The following TMED3 variants were observed in gnomAD, a reference collection of about 807,000 sequenced individuals.
The protein encoded by TMED3 is transmembrane emp24 domain-containing protein 3.
In TMED3, 9 loss-of-function variants were observed where a neutral mutation model predicts 15.0. The ratio of observed to expected loss-of-function variants is 0.60; its 90% CI spans 0.36 to 1.04. The LOEUF (loss-of-function observed/expected upper bound fraction) is 1.04. Ranked by LOEUF, TMED3 falls within the 50% of genes least tolerant of loss-of-function variation. The pLI, the probability that TMED3 is intolerant of heterozygous loss-of-function variation, is 0.01. For synonymous variants in TMED3, 117 were observed against 121.4 expected (o/e 0.96, Z 0.24); for missense variants, 267 against 278.9 (o/e 0.96, Z 0.30).
intron 2 of TMED3, among the ~76,000 whole-genome samples, chr15:79,362,616 G>T (rs1893153588): frequency 6.6e-6 from 1 of 152,202 alleles, no homozygotes; most frequent in Admixed American, 6.5e-5. Flanking sequence ...TGTCATGGGA[G>T]GGACCTGGTT....
intron 2 of TMED3, among the ~76,000 whole-genome samples, chr15:79,405,728 A>G (rs1376477429): frequency 6.6e-6 from 1 of 152,160 alleles, no homozygotes; most frequent in African/African-American, 2.4e-5. Context: ...CTGGCTCATC[A>G]ATCCAGTTAG....
In TMED3 at chr15:79,311,307, C is replaced by G. The variant is rs767474715; in HGVS notation, c.58C>G (p.Arg20Gly). 4 of 1,606,880 alleles carry G rather than the reference C, an allele frequency of 2.5e-6. No individual in the cohort carries two copies. The highest frequency in any genetic ancestry group is 1.7e-5 in the Admixed American group (1 of 59,638). ...SVLLLLLLLRRAEQPCGAELT... is the reference protein window; with the variant it reads ...SVLLLLLLLRGAEQPCGAELT... ...GCTGCTTCTGCTGCTGCTCCTGCGC[C>G]GGGCCGAGCAGCCCTGCGGGGCCGA... Residue 20 changes from arginine to glycine, a missense_variant, in exon 1 of 3, where the codon CGG (arginine) becomes GGG (glycine). Physicochemically the swap from Arg to Gly is moderately radical, Grantham distance 125. Around this residue, in one of 3 missense-constraint regions of TMED3, gnomAD observed 59 missense variants for 47.0 expected, o/e 1.26. Transcript: ENST00000299705.
At chr15:79,347,727 A>T (rs1176490933) in intron 2 of TMED3, among the ~76,000 whole-genome samples, 3 of 152,194 alleles carry the variant, frequency 2.0e-5, no homozygotes, top group African/African-American at 7.2e-5. Flanking sequence ...TAACATTCTT[A>T]TACGCCAACA....
At chr15:79,360,635 A>G (rs972982005) in intron 2 of TMED3, among the ~76,000 whole-genome samples, 1 of 152,196 alleles carries the variant, frequency 6.6e-6, no homozygotes, top group Non-Finnish European at 1.5e-5. Flanking sequence ...TCCCAACAGC[A>G]GTGCCTTAAG....
intron 2 of TMED3, among the ~76,000 whole-genome samples, chr15:79,328,738 ACT>A (rs1198451135): frequency 2.6e-5 from 4 of 152,104 alleles, no homozygotes; most frequent in East Asian, 1.9e-4. Flanking sequence ...CATCTGAGGA[ACT>A]CTCTCACACA....
At chr15:79,349,258 T>C (rs183165525) in intron 2 of TMED3, among the ~76,000 whole-genome samples, 1 of 151,984 alleles carries the variant, frequency 6.6e-6, no homozygotes, top group Admixed American at 6.5e-5. Context: ...TGTTAATTAG[T>C]TAGATTTAAT....
intron 2 of TMED3, among the ~76,000 whole-genome samples, chr15:79,337,386 T>G (rs2058831058): frequency 6.6e-6 from 1 of 152,170 alleles, no homozygotes; most frequent in South Asian, 2.1e-4. Flanking sequence ...TCTCCAAATA[T>G]AGTAACATTC....
intron 2 of TMED3, among the ~76,000 whole-genome samples, chr15:79,315,412 A>T (rs1339414383): frequency 6.6e-6 from 1 of 152,168 alleles, no homozygotes; most frequent in Non-Finnish European, 1.5e-5. Flanking sequence ...CTGTTAGAAG[A>T]TCCAGCCGAG....
intron 2 of TMED3, among the ~76,000 whole-genome samples, chr15:79,389,413 T>C (rs2141253065): frequency 6.6e-6 from 1 of 152,334 alleles, no homozygotes; most frequent in South Asian, 2.1e-4. Context: ...TATTTGGGTT[T>C]ATTTCCGGGT....
chr15:79,353,308 TATATATATA>T (rs1424180293), intron 2 of TMED3, among the ~76,000 whole-genome samples: 3 of 12,614 alleles, frequency 2.4e-4, no homozygotes, highest in Admixed American at 1.3e-3. Flanking sequence ...TTATATATAT[TATATATATA>T]ATATATATAA....
chr15:79,352,577 A>T (rs1338356935), intron 2 of TMED3, among the ~76,000 whole-genome samples: 6 of 151,712 alleles, frequency 4.0e-5, no homozygotes, highest in Admixed American at 1.3e-4. Flanking sequence ...ATAAAATAAA[A>T]TAGAAGTCTT....
chr15:79,401,338 A>G (rs1893830776), intron 2 of TMED3, among the ~76,000 whole-genome samples: 1 of 152,198 alleles, frequency 6.6e-6, no homozygotes. Context: ...ATTCTTATTT[A>G]GAAAAGAAGG....
intron 2 of TMED3, among the ~76,000 whole-genome samples, chr15:79,331,330 G>T (rs2058807298): frequency 6.6e-6 from 1 of 152,054 alleles, no homozygotes; most frequent in Non-Finnish European, 1.5e-5. Context: ...TTCAATAAAT[G>T]GTGCTGAAAA....
intron 2 of TMED3, among the ~76,000 whole-genome samples, chr15:79,390,585 G>A (rs1893683267): frequency 6.6e-6 from 1 of 152,062 alleles, no homozygotes; most frequent in South Asian, 2.1e-4. Context: ...TTTGGCATTA[G>A]GGTGATACGG....
chr15:79,370,690 A>G (rs1238893357), intron 2 of TMED3, among the ~76,000 whole-genome samples: 1 of 152,156 alleles, frequency 6.6e-6, no homozygotes, highest in African/African-American at 2.4e-5. Flanking sequence ...TTAATGGGGT[A>G]GTTTTTACAT....
At chr15:79,355,530 T>C (rs917987719) in intron 2 of TMED3, among the ~76,000 whole-genome samples, 1 of 152,224 alleles carries the variant, frequency 6.6e-6, no homozygotes, top group Non-Finnish European at 1.5e-5. Flanking sequence ...GCTCCAGTCC[T>C]GGGGTGCTGC....
intron 2 of TMED3, among the ~76,000 whole-genome samples, chr15:79,398,605 G>T (rs1399778406): frequency 6.6e-6 from 1 of 152,156 alleles, no homozygotes; most frequent in African/African-American, 2.4e-5. Flanking sequence ...GTCATGCAGA[G>T]TTAGTCCCCT....
intron 2 of TMED3, among the ~76,000 whole-genome samples, chr15:79,371,343 CT>C (rs1893334694): frequency 6.6e-6 from 1 of 152,114 alleles, no homozygotes. Flanking sequence ...GGGCTGGTGA[CT>C]TTTTGAGTGA....
chr15:79,360,203 A>G (rs539653866), intron 2 of TMED3, among the ~76,000 whole-genome samples: 10 of 152,298 alleles, frequency 6.6e-5, no homozygotes, highest in South Asian at 2.1e-4. Flanking sequence ...AGGACCCCCA[A>G]GATGTTGAAT....
Sources: gnomAD v4.1 joint callset for allele counts (sites outside exome capture counted in the v4.1 genomes callset) on GRCh38, gnomAD v4.1.1 for gene constraint, gnomAD v4.1.1 regional missense constraint, MANE v1.5 for transcripts, NCBI Gene and HGNC (gene_info 2026-07-23, HGNC 2026-07-21) for gene names.